CAST: variants seen among roughly 807,000 people sequenced by gnomAD.
The protein encoded by CAST is MIR583 host.
Under a neutral mutation model 119.6 loss-of-function variants are expected in CAST, and 76 were observed. That is an observed-to-expected ratio of 0.64 (90% confidence interval 0.53 to 0.77). The LOEUF is 0.77. Ranked by LOEUF, CAST falls within the 30% of genes least tolerant of loss-of-function variation. The pLI is 0.00. For synonymous variants in CAST, 319 were observed against 331.6 expected (o/e 0.96, Z 0.41); for missense variants, 953 against 946.5 (o/e 1.01, Z -0.09).
At chr5:96,029,877 T>C in the CAST span, among the ~76,000 whole-genome samples, 1 of 152,156 alleles carries the variant, frequency 6.6e-6, no homozygotes, top group African/African-American at 2.4e-5. Context: ...AAGAATTTTA[T>C]TGACAATTCC....
the CAST span, among the ~76,000 whole-genome samples, chr5:96,087,983 A>G: frequency 6.6e-6 from 1 of 152,218 alleles, no homozygotes; most frequent in Non-Finnish European, 1.5e-5. Flanking sequence ...ATAGAGGCAA[A>G]CAACTCCCAA....
chr5:96,232,328 A>G, the CAST span, among the ~76,000 whole-genome samples: 1 of 152,110 alleles, frequency 6.6e-6, no homozygotes, highest in Non-Finnish European at 1.5e-5. Context: ...GCCAATTTTC[A>G]CAACTTATAC....
the CAST span, among the ~76,000 whole-genome samples, chr5:96,310,431 C>T: frequency 2.0e-5 from 3 of 152,156 alleles, no homozygotes; most frequent in African/African-American, 7.2e-5. Context: ...GGTATCAGAA[C>T]CATGCTAGCC....
At chr5:96,553,981 A>C (rs1746184496) in intron 1 of CAST, among the ~76,000 whole-genome samples, 3 of 152,230 alleles carry the variant, frequency 2.0e-5, no homozygotes, top group Admixed American at 2.0e-4. Context: ...CTTACTGCCC[A>C]AAGTAATCTA....
the CAST span, among the ~76,000 whole-genome samples, chr5:96,451,150 C>G: frequency 2.0e-5 from 3 of 152,264 alleles, no homozygotes; most frequent in South Asian, 6.2e-4. Context: ...ACGAATTCTA[C>G]GTAATCTTAG....
At chr5:96,024,099 A>G in the CAST span, among the ~76,000 whole-genome samples, 1 of 152,216 alleles carries the variant, frequency 6.6e-6, no homozygotes, top group Non-Finnish European at 1.5e-5. Flanking sequence ...TGAAAATACT[A>G]CAGAAAAATT....
the CAST span, chr5:96,412,832 A>C: frequency 2.3e-6 from 1 of 433,010 alleles, no homozygotes; most frequent in African/African-American, 2.7e-5. Flanking sequence ...TCTGAAGTGG[A>C]GCAGCATCCT....
At chr5:96,637,251 A>T (rs1397322352) in intron 1 of CAST, among the ~76,000 whole-genome samples, 1 of 152,220 alleles carries the variant, frequency 6.6e-6, no homozygotes, top group Admixed American at 6.5e-5. Context: ...TTTTGTAGCA[A>T]CCATATAAGG....
At chr5:96,162,934 T>C in the CAST span, among the ~76,000 whole-genome samples, 2 of 152,212 alleles carry the variant, frequency 1.3e-5, no homozygotes, top group African/African-American at 4.8e-5. Flanking sequence ...AGTTAAGAAA[T>C]GTTTATTTTT....
At chr5:96,398,865 C>A in the CAST span, 1 of 1,607,074 alleles carries the variant, frequency 6.2e-7, no homozygotes, top group African/African-American at 1.3e-5. Context: ...TGGCTTAGAA[C>A]TTTTTTAATT....
intron 1 of CAST, among the ~76,000 whole-genome samples, chr5:96,643,536 G>C (rs777465394): frequency 6.6e-6 from 1 of 151,996 alleles, no homozygotes; most frequent in Non-Finnish European, 1.5e-5. Context: ...TCAGGAGTTC[G>C]AGACCAGTCT....
chr5:96,729,013 A>G, intron 6 of CAST, 140 bp from the exon 7 acceptor site: 5 of 608,508 alleles, frequency 8.2e-6, no homozygotes, highest in Non-Finnish European at 1.5e-5. Context: ...GTGATCCTAA[A>G]GAGTGGGCCT....
the CAST span, among the ~76,000 whole-genome samples, chr5:96,247,372 A>G: frequency 6.6e-6 from 1 of 152,176 alleles, no homozygotes; most frequent in Non-Finnish European, 1.5e-5. Flanking sequence ...GGCTTTGTTT[A>G]CTTGCTTGCC....
the CAST span, among the ~76,000 whole-genome samples, chr5:96,389,794 G>C: frequency 6.6e-6 from 1 of 152,150 alleles, no homozygotes; most frequent in African/African-American, 2.4e-5. Flanking sequence ...AATTAGCTGG[G>C]TGTGGCGGTG....
At chr5:96,370,184 A>G in the CAST span, among the ~76,000 whole-genome samples, 7 of 152,024 alleles carry the variant, frequency 4.6e-5, no homozygotes, top group South Asian at 1.5e-3. Context: ...AAATGGAGAA[A>G]TACAAACTCA....
the CAST span, among the ~76,000 whole-genome samples, chr5:96,360,144 A>G: frequency 2.3e-4 from 35 of 152,046 alleles, no homozygotes; most frequent in Non-Finnish European, 4.1e-4. Flanking sequence ...ATAGTTATGT[A>G]TGCTTCACAG....
the CAST span, among the ~76,000 whole-genome samples, chr5:96,335,558 A>T: frequency 6.6e-6 from 1 of 151,988 alleles, no homozygotes; most frequent in Non-Finnish European, 1.5e-5. Context: ...CTCATTACTG[A>T]TACTCTTCTT....
intron 3 of CAST, chr5:96,702,840 G>A: frequency 1.0e-6 from 1 of 985,464 alleles, no homozygotes; most frequent in Non-Finnish European, 1.2e-6. Context: ...CGGAAACCGC[G>A]GGAGCCGAGC....
the CAST span, among the ~76,000 whole-genome samples, chr5:96,125,770 A>C: frequency 1.3e-5 from 2 of 152,090 alleles, no homozygotes; most frequent in Admixed American, 1.3e-4. Context: ...CAACTTTTCC[A>C]GGACATATCT....
Sources: gnomAD v4.1 joint callset for allele counts (sites outside exome capture counted in the v4.1 genomes callset) on GRCh38, gnomAD v4.1.1 for gene constraint, MANE v1.5 for transcripts, NCBI Gene and HGNC (gene_info 2026-07-23, HGNC 2026-07-21) for gene names.